The following AGBL4 variants were observed in gnomAD, a reference collection of about 807,000 sequenced individuals.
The protein encoded by AGBL4 is cytosolic carboxypeptidase 6.
Under a neutral mutation model 66.4 loss-of-function variants are expected in AGBL4, and 58 were observed. That is an observed-to-expected ratio of 0.87 (90% CI 0.71 to 1.09). The LOEUF (loss-of-function observed/expected upper bound fraction) is 1.09, where lower values mean the gene tolerates loss of function less well. Ranked by LOEUF, AGBL4 falls within the 50% of genes least tolerant of loss-of-function variation. The probability of loss-of-function intolerance (pLI) is 0.00; values close to 1 mark genes in which losing one functional copy is unlikely to be tolerated. For synonymous variants in AGBL4, 234 were observed against 222.9 expected, an observed-to-expected ratio of 1.05 and a Z score of -0.44; for missense variants, 579 against 631.0, an observed-to-expected ratio of 0.92 and a Z score of 0.88.
At chr1:49,011,558 G>A (rs998643349) in intron 5 of AGBL4, among the ~76,000 whole-genome samples, 1 of 152,100 alleles carries the variant, frequency 6.6e-6, no homozygotes, top group African/African-American at 2.4e-5. Context: ...TATAAATCAT[G>A]CTGCTATAAA....
At chr1:49,549,257 CT>C (rs888556135) in intron 3 of AGBL4, among the ~76,000 whole-genome samples, 118 of 141,838 alleles carry the variant, frequency 8.3e-4, no homozygotes, top group South Asian at 4.3e-3. Context: ...ATCTTTGTAT[CT>C]TTTTTTTTTT....
At chr1:49,602,073 T>C (rs1290577000) in intron 3 of AGBL4, among the ~76,000 whole-genome samples, 1 of 152,166 alleles carries the variant, frequency 6.6e-6, no homozygotes, top group Non-Finnish European at 1.5e-5. Context: ...AAGACATTTA[T>C]GTGGCCAACA....
At chr1:49,620,505 T>C (rs1645338842) in intron 3 of AGBL4, among the ~76,000 whole-genome samples, 1 of 152,190 alleles carries the variant, frequency 6.6e-6, no homozygotes, top group Non-Finnish European at 1.5e-5. Flanking sequence ...CAGGAATGCT[T>C]TTACACTGTT....
intron 6 of AGBL4, among the ~76,000 whole-genome samples, chr1:48,699,211 C>A (rs976766431): frequency 6.6e-6 from 1 of 152,186 alleles, no homozygotes; most frequent in Non-Finnish European, 1.5e-5. Flanking sequence ...AAGGGTTTGC[C>A]TACTGGCTAG....
chr1:48,934,322 T>G (rs1655277610), intron 5 of AGBL4, among the ~76,000 whole-genome samples: 1 of 152,096 alleles, frequency 6.6e-6, no homozygotes, highest in Non-Finnish European at 1.5e-5. Context: ...AACTAGAGCA[T>G]GTGGTGATCA....
intron 3 of AGBL4, among the ~76,000 whole-genome samples, chr1:49,367,604 G>A (rs555960437): frequency 1.3e-5 from 2 of 152,276 alleles, no homozygotes; most frequent in Admixed American, 6.5e-5. Flanking sequence ...TTGGACAGGG[G>A]CAGAACTTGT....
chr1:49,198,123 G>T (rs1311335561), intron 4 of AGBL4, among the ~76,000 whole-genome samples: 2 of 151,948 alleles, frequency 1.3e-5, no homozygotes, highest in Non-Finnish European at 2.9e-5. Flanking sequence ...GGCCTGGATT[G>T]CTTAGTTGCC....
At chr1:48,666,334 G>A (rs1029538568) in intron 6 of AGBL4, among the ~76,000 whole-genome samples, 1 of 151,898 alleles carries the variant, frequency 6.6e-6, no homozygotes, top group African/African-American at 2.4e-5. Flanking sequence ...ACCAAGCCAG[G>A]GTGGAACAGA....
At chr1:49,219,500 A>G (rs1368588582) in intron 4 of AGBL4, among the ~76,000 whole-genome samples, 2 of 152,154 alleles carry the variant, frequency 1.3e-5, no homozygotes, top group African/African-American at 2.4e-5. Context: ...TTTATACTAT[A>G]TGGTGCAACC....
At chr1:49,727,436 C>T (rs1649114438) in intron 2 of AGBL4, among the ~76,000 whole-genome samples, 1 of 152,058 alleles carries the variant, frequency 6.6e-6, no homozygotes, top group Non-Finnish European at 1.5e-5. Context: ...AAAAGCATTA[C>T]ATCCAGGGAA....
chr1:49,422,501 T>C (rs1645567503), intron 3 of AGBL4, among the ~76,000 whole-genome samples: 1 of 152,220 alleles, frequency 6.6e-6, no homozygotes, highest in African/African-American at 2.4e-5. Flanking sequence ...AATTGGGCAA[T>C]ATATTTTTGA....
At chr1:49,508,110 ACAAT>A (rs1177538912) in intron 3 of AGBL4, among the ~76,000 whole-genome samples, 2 of 151,978 alleles carry the variant, frequency 1.3e-5, no homozygotes, top group African/African-American at 4.8e-5. Flanking sequence ...CCAAGATTAA[ACAAT>A]CAATATTTTA....
At chr1:49,361,389 C>T (rs539912794) in intron 3 of AGBL4, among the ~76,000 whole-genome samples, 9 of 152,232 alleles carry the variant, frequency 5.9e-5, no homozygotes, top group African/African-American at 1.4e-4. Context: ...TGCAGTGGCA[C>T]GATCTGGCTC....
chr1:49,814,052 G>A (rs913970068), intron 2 of AGBL4, among the ~76,000 whole-genome samples: 1 of 151,758 alleles, frequency 6.6e-6, no homozygotes, highest in Non-Finnish European at 1.5e-5. Flanking sequence ...CTCCTTTTTC[G>A]CCTTCTGCCA....
At chr1:49,151,223 C>T (rs1455127278) in intron 4 of AGBL4, among the ~76,000 whole-genome samples, 2 of 147,650 alleles carry the variant, frequency 1.4e-5, no homozygotes, top group Non-Finnish European at 3.0e-5. Flanking sequence ...GAGCCGAGAT[C>T]GTGCCACTGC....
chr1:49,369,540 T>C (rs1170758863), intron 3 of AGBL4, among the ~76,000 whole-genome samples: 5 of 152,214 alleles, frequency 3.3e-5, no homozygotes, highest in African/African-American at 1.2e-4. Flanking sequence ...CTAAAGGGAA[T>C]GTTTCCAGGC....
chr1:49,771,182 G>A lies in AGBL4; in HGVS notation c.158-73745C>T, dbSNP rs539929220. ...GAACTGCTTTTGTTTTGTTCCATAG[G>A]TTTTGGTATTATATATTTCCATTCT... On this transcript the variant is annotated intron_variant, in intron 2 of 13. Transcript: ENST00000371839. 3.3e-5 allele frequency among the ~76,000 whole-genome samples: 5 copies of A among 151,872 alleles called. No individual in the cohort carries two copies. In the South Asian group the frequency reaches 1.0e-3, roughly 32 times the overall value.
chr1:49,867,051 G>T (rs1453966460), intron 1 of AGBL4, among the ~76,000 whole-genome samples: 1 of 152,038 alleles, frequency 6.6e-6, no homozygotes, highest in Non-Finnish European at 1.5e-5. Context: ...TTTCCTGTCT[G>T]TGTTGCTGCT....
At chr1:48,965,941 T>C (rs2148946598) in intron 5 of AGBL4, among the ~76,000 whole-genome samples, 1 of 152,290 alleles carries the variant, frequency 6.6e-6, no homozygotes, top group East Asian at 1.9e-4. Context: ...GCATGCACTG[T>C]AAAAGAAAGA....
Sources: gnomAD v4.1 joint callset for allele counts (sites outside exome capture counted in the v4.1 genomes callset) on GRCh38, gnomAD v4.1.1 for gene constraint, MANE v1.5 for transcripts, NCBI Gene and HGNC (gene_info 2026-07-23, HGNC 2026-07-21) for gene names.